The following PRIM2 variants were observed in gnomAD, a reference collection of about 807,000 sequenced individuals.
The protein encoded by PRIM2 is DNA primase subunit 2.
PRIM2 carries 39 observed loss-of-function variants against 67.3 expected under a neutral mutation model. That is an observed-to-expected ratio of 0.58 (90% CI 0.45 to 0.76). The LOEUF is 0.76. PRIM2 is among the 30% of genes least tolerant of loss of function. PRIM2 has a pLI of 0.00. For missense variants in PRIM2, 398 were observed against 598.7 expected (o/e 0.66, Z 3.50); for synonymous variants, 143 against 198.7 (o/e 0.72, Z 2.36).
chr6:57,605,330 A>G (rs1776540539), intron 11 of PRIM2, among the ~76,000 whole-genome samples: 1 of 152,018 alleles, frequency 6.6e-6, no homozygotes, highest in Non-Finnish European at 1.5e-5. Context: ...AGTTTTTTGG[A>G]ATAGTTTTGG....
At chr6:57,476,683 C>A (rs1773484959) in intron 7 of PRIM2, among the ~76,000 whole-genome samples, 1 of 152,142 alleles carries the variant, frequency 6.6e-6, no homozygotes, top group African/African-American at 2.4e-5. Context: ...ATTCTGTAGG[C>A]CACCCTGACT....
intron 11 of PRIM2, among the ~76,000 whole-genome samples, chr6:57,604,509 A>G (rs1776526303): frequency 6.6e-6 from 1 of 152,026 alleles, no homozygotes. Flanking sequence ...ATTTTGAGTA[A>G]GAGTGGTGAG....
chr6:57,619,147 A>G (rs1356735434), intron 12 of PRIM2, among the ~76,000 whole-genome samples: 1 of 152,198 alleles, frequency 6.6e-6, no homozygotes, highest in Non-Finnish European at 1.5e-5. Flanking sequence ...GACTCACTGG[A>G]TGGTTAAACC....
At chr6:57,403,232 G>C (rs1213291498) in intron 7 of PRIM2, among the ~76,000 whole-genome samples, 1 of 151,388 alleles carries the variant, frequency 6.6e-6, no homozygotes, top group Non-Finnish European at 1.5e-5. Flanking sequence ...TCTTTGAAGG[G>C]ATAGTTCAGG....
the PRIM2 span, among the ~76,000 whole-genome samples, chr6:57,259,352 CA>C: frequency 0.37 from 56,114 of 151,860 alleles, 11,146 homozygotes; most frequent in East Asian, 0.78. Flanking sequence ...CTCCTGGGAC[CA>C]GTAGGTTGCC....
intron 13 of PRIM2, among the ~76,000 whole-genome samples, chr6:57,641,918 A>C (rs1397928856): frequency 2.0e-5 from 3 of 152,222 alleles, no homozygotes; most frequent in Non-Finnish European, 4.4e-5. Context: ...GCTACTGTAA[A>C]GACACATGCA....
chr6:57,457,199 C>A (rs1397241793), intron 7 of PRIM2, among the ~76,000 whole-genome samples: 5 of 152,218 alleles, frequency 3.3e-5, no homozygotes, highest in Non-Finnish European at 7.3e-5. Flanking sequence ...TCTGCCCCTA[C>A]TGGGAGGTGC....
At chr6:57,474,173 C>T (rs1385467469) in intron 7 of PRIM2, among the ~76,000 whole-genome samples, 7 of 63,960 alleles carry the variant, frequency 1.1e-4, no homozygotes, top group African/African-American at 3.3e-4. Context: ...ATTCTGCTAT[C>T]TTTTTTTTTT....
At chr6:57,527,737 C>G (rs1774790159) in intron 8 of PRIM2, among the ~76,000 whole-genome samples, 1 of 152,180 alleles carries the variant, frequency 6.6e-6, no homozygotes. Context: ...CTATCCTTAA[C>G]TAGTTCAAAT....
At chr6:57,222,554 G>T in the PRIM2 span, among the ~76,000 whole-genome samples, 3 of 152,356 alleles carry the variant, frequency 2.0e-5, no homozygotes, top group South Asian at 6.2e-4. Flanking sequence ...CAAAGGGCTT[G>T]CCCCGCTTCG....
chr6:57,386,324 G>A (rs1218510058), intron 7 of PRIM2, among the ~76,000 whole-genome samples: 1 of 150,634 alleles, frequency 6.6e-6, no homozygotes, highest in African/African-American at 2.5e-5. Context: ...AGGCTGGGGT[G>A]GGGGGATCAC....
At chr6:57,373,959 A>T (rs1480270448) in intron 5 of PRIM2, among the ~76,000 whole-genome samples, 4 of 152,138 alleles carry the variant, frequency 2.6e-5, no homozygotes, top group African/African-American at 9.7e-5. Context: ...GAATTTTAAA[A>T]TAGTTTTAAA....
chr6:57,496,353 GGCTCA>G, intron 7 of PRIM2, among the ~76,000 whole-genome samples: 1 of 152,266 alleles, frequency 6.6e-6, no homozygotes, highest in East Asian at 1.9e-4. Flanking sequence ...TCTGGAAATA[GGCTCA>G]GCAGGAAGTT....
chr6:57,593,885 A>C (rs1417212663), intron 10 of PRIM2, among the ~76,000 whole-genome samples: 1 of 152,222 alleles, frequency 6.6e-6, no homozygotes, highest in Admixed American at 6.5e-5. Context: ...ATGAATTGGA[A>C]AGAAGAGGGA....
intron 10 of PRIM2, among the ~76,000 whole-genome samples, chr6:57,542,406 T>A (rs1429886577): frequency 6.7e-6 from 1 of 149,754 alleles, no homozygotes; most frequent in Non-Finnish European, 1.5e-5. Flanking sequence ...CCAGCCTATG[T>A]GGACACTTAC....
chr6:57,523,454 A>G (rs1170839849), intron 8 of PRIM2, among the ~76,000 whole-genome samples: 4 of 152,258 alleles, frequency 2.6e-5, no homozygotes, highest in African/African-American at 7.2e-5. Flanking sequence ...ATACAGATGA[A>G]GAGAAGTTGC....
At chr6:57,225,334 A>G in the PRIM2 span, among the ~76,000 whole-genome samples, 2 of 152,338 alleles carry the variant, frequency 1.3e-5, no homozygotes, top group East Asian at 3.9e-4. Context: ...GCTCAGTGCA[A>G]TTAAAGTCTA....
chr6:57,407,210 T>C (rs1425965527), intron 7 of PRIM2, among the ~76,000 whole-genome samples: 36 of 152,196 alleles, frequency 2.4e-4, no homozygotes, highest in Non-Finnish European at 4.6e-4. Flanking sequence ...ATATACCTTT[T>C]TGGATTTTGG....
intron 12 of PRIM2, among the ~76,000 whole-genome samples, chr6:57,628,547 A>G (rs1463291583): frequency 2.0e-5 from 3 of 152,130 alleles, no homozygotes; most frequent in African/African-American, 4.8e-5. Context: ...TTATATGGGT[A>G]TGTTGCATGA....
Sources: gnomAD v4.1 joint callset for allele counts (sites outside exome capture counted in the v4.1 genomes callset) on GRCh38, gnomAD v4.1.1 for gene constraint, MANE v1.5 for transcripts, NCBI Gene and HGNC (gene_info 2026-07-23, HGNC 2026-07-21) for gene names.